Variants in DOCK1 observed in about 807,000 individuals in gnomAD.
DOCK1 encodes dedicator of cytokinesis protein 1.
Under a neutral mutation model 262.7 loss-of-function variants are expected in DOCK1, and 138 were observed. The ratio of observed to expected loss-of-function variants is 0.53; its 90% CI spans 0.46 to 0.61. The LOEUF is 0.61. Among genes scored for constraint, DOCK1 ranks in the 20% least tolerant of loss-of-function variants. DOCK1 has a pLI of 0.00. For synonymous variants in DOCK1, 866 were observed against 867.4 expected (o/e 1.00, Z 0.03); for missense variants, 1,908 against 2,370.7 (o/e 0.80, Z 4.05).
chr10:127,266,070 C>T (rs1457233561), intron 29 of DOCK1, among the ~76,000 whole-genome samples: 1 of 152,240 alleles, frequency 6.6e-6, no homozygotes, highest in African/African-American at 2.4e-5. Context: ...GTGCAGGGGG[C>T]CTGCCCCCAG....
chr10:127,073,209 C>T (rs1206500037), intron 23 of DOCK1, among the ~76,000 whole-genome samples: 4 of 152,212 alleles, frequency 2.6e-5, no homozygotes, highest in African/African-American at 7.2e-5. Context: ...GGTGACTCAA[C>T]ATTAAGAATT....
chr10:127,202,820 G>A (rs2057533472), intron 27 of DOCK1, among the ~76,000 whole-genome samples: 1 of 152,150 alleles, frequency 6.6e-6, no homozygotes, highest in African/African-American at 2.4e-5. Context: ...ATCTCTCCAA[G>A]GTCACACAGC....
intron 46 of DOCK1, among the ~76,000 whole-genome samples, chr10:127,421,366 G>A (rs1026112014): frequency 1.2e-4 from 18 of 152,224 alleles, no homozygotes; most frequent in South Asian, 8.3e-4. Flanking sequence ...TTTGTGTTTA[G>A]ATATATAGGA....
At chr10:127,450,816 A>G (rs1055426720) in intron 51 of DOCK1, among the ~76,000 whole-genome samples, 1 of 152,152 alleles carries the variant, frequency 6.6e-6, no homozygotes, top group Non-Finnish European at 1.5e-5. Context: ...CTTTCTGTAC[A>G]CACTGTCAAT....
intron 29 of DOCK1, among the ~76,000 whole-genome samples, chr10:127,272,883 A>G (rs1033142886): frequency 3.9e-5 from 6 of 152,174 alleles, no homozygotes; most frequent in Non-Finnish European, 5.9e-5. Flanking sequence ...ATCTTGTGAG[A>G]CATTCACTAT....
intron 1 of DOCK1, among the ~76,000 whole-genome samples, chr10:126,947,079 C>T (rs1487505737): frequency 6.6e-6 from 1 of 152,246 alleles, no homozygotes; most frequent in South Asian, 2.1e-4. Context: ...CCTCCTTCCT[C>T]CTGCTCTTTG....
chr10:127,236,503 T>TTG (rs1171213255), intron 27 of DOCK1, among the ~76,000 whole-genome samples: 1 of 109,610 alleles, frequency 9.1e-6, no homozygotes, highest in African/African-American at 3.2e-5. Context: ...GACACGGGTT[T>TTG]TTTTTTTTTT....
At chr10:126,912,568 T>C (rs915706629) in intron 1 of DOCK1, among the ~76,000 whole-genome samples, 3 of 149,590 alleles carry the variant, frequency 2.0e-5, no homozygotes, top group Non-Finnish European at 4.4e-5. Context: ...CTACTAAAAA[T>C]ACAAAAAACT....
intron 7 of DOCK1, 28 bp downstream of exon 7, chr10:126,996,911 C>T (rs1237958260): frequency 6.5e-7 from 1 of 1,543,474 alleles, no homozygotes; most frequent in Non-Finnish European, 8.7e-7. Context: ...ATATGCCATT[C>T]ACGTTTTCTC....
At chr10:127,421,012 G>A (rs572429465) in intron 46 of DOCK1, among the ~76,000 whole-genome samples, 1 of 151,830 alleles carries the variant, frequency 6.6e-6, no homozygotes, top group African/African-American at 2.4e-5. Flanking sequence ...CTCCTCCGGG[G>A]TTCAAGTGAT....
Position 126,996,726 on chromosome 10 carries a change from T to A in DOCK1, c.474-22T>A, listed in dbSNP as rs762809834. 8.1e-6 allele frequency: 13 copies of A among 1,599,618 alleles called. No individual in the cohort carries two copies. The African/African-American group carries it at 1.5e-4, about 18-fold the overall frequency. On this transcript the variant is annotated intron_variant, in intron 6 of 51. Coordinates refer to ENST00000623213, the MANE Select transcript of DOCK1 (RefSeq NM_001290223.2). The stretch of plus-strand genomic sequence containing the variant: ...CCTCCTTGGTCTATGTCTGTGAACT[T>A]ACTAAATTCTTGTTGTTCTAGAATT...
chr10:127,352,391 T>A (rs1272561152), intron 31 of DOCK1, among the ~76,000 whole-genome samples: 10 of 151,962 alleles, frequency 6.6e-5, no homozygotes. Context: ...TGGTGCCAGC[T>A]CTGGAAACAC....
chr10:127,411,795 G>A lies in DOCK1; in HGVS notation c.4428+871G>A, dbSNP rs189965976. ...GCAGAGGTTGCAGTGAGCCAAGATC[G>A]CTCCATTGCACTCCAGCCTGGGGAA... is the stretch of plus-strand genomic sequence containing the variant. On this transcript the variant is annotated intron_variant, in intron 43 of 51. Transcript: ENST00000623213. Among the ~76,000 whole-genome samples the A allele has an allele frequency of 2.6e-4, 39 of 152,100 alleles. 1 individual carries two copies. In the East Asian group the frequency reaches 5.9e-3, roughly 23 times the overall value.
At chr10:127,402,970 T>C in intron 38 of DOCK1, 85 bp from the exon 39 acceptor site, 1 of 1,228,692 alleles carries the variant, frequency 8.1e-7, no homozygotes, top group Non-Finnish European at 1.1e-6. Context: ...CTACACTGTT[T>C]TATTTTGAAT....
chr10:126,967,216 C>T (rs2037739543), intron 1 of DOCK1, among the ~76,000 whole-genome samples: 1 of 152,176 alleles, frequency 6.6e-6, no homozygotes, highest in Non-Finnish European at 1.5e-5. Context: ...CATTTGTCAT[C>T]CTCATCCTTC....
rs1364834108 is a variant in DOCK1 at position 127,261,285 on chromosome 10, GTGTGCA to G, written c.3044+3861_3044+3866del. On this transcript the variant is annotated intron_variant, in intron 29 of 51. Transcript: ENST00000623213. ...TGGGTGTGTGTGTGTGCCTGCATGTGTGTGCATGTGGGTGTGTGTGTGTGTGCCTGC... is the reference window on the plus strand; with the variant it reads ...TGGGTGTGTGTGTGTGCCTGCATGTGTGTGGGTGTGTGTGTGTGTGCCTGC... Among the ~76,000 whole-genome samples, 5 of 125,370 alleles carry G rather than the reference GTGTGCA, an allele frequency of 4.0e-5. 1 individual carries two copies. Among genetic ancestry groups the G allele is most frequent in the African/African-American group, 9.7e-5 (3 of 30,974 alleles). 82.2% of individuals were successfully genotyped at this position (125,370 alleles called of 152,430 possible).
intron 7 of DOCK1, among the ~76,000 whole-genome samples, 156 bp downstream of exon 7, chr10:126,997,039 C>T (rs2040247971): frequency 6.6e-6 from 1 of 152,148 alleles, no homozygotes. Flanking sequence ...GGAATGGAGC[C>T]TGGTGGCACA....
chr10:127,419,775 A>G (rs909385006), intron 46 of DOCK1, 26 bp downstream of exon 46: 8 of 1,567,884 alleles, frequency 5.1e-6, no homozygotes, highest in Admixed American at 3.7e-5. Context: ...AGAGTCCTGC[A>G]TGGCTGGAGG....
At chr10:127,006,968 G>T (rs9787423) in intron 10 of DOCK1, among the ~76,000 whole-genome samples, 2 of 152,200 alleles carry the variant, frequency 1.3e-5, no homozygotes, top group South Asian at 2.1e-4. Flanking sequence ...TGGTGGTCTC[G>T]GGCATCTTGG....
Sources: allele counts gnomAD v4.1 joint callset (sites outside exome capture counted in the v4.1 genomes callset), GRCh38; gene constraint gnomAD v4.1.1; transcripts MANE v1.5; gene names NCBI Gene and HGNC (gene_info 2026-07-23, HGNC 2026-07-21).